Variants in DACH2 observed in about 807,000 individuals in gnomAD.
DACH2 encodes dachshund family transcription factor 2.
Under a neutral mutation model 35.8 loss-of-function variants are expected in DACH2, and 17 were observed. The observed-to-expected ratio is 0.48, with a 90% confidence interval of 0.33 to 0.71. The LOEUF is 0.71. Among genes scored for constraint, DACH2 ranks in the 30% least tolerant of loss-of-function variants. The pLI, the probability that DACH2 is intolerant of heterozygous loss-of-function variation, is 0.02. For missense variants in DACH2, 469 were observed against 472.7 expected (o/e 0.99, Z 0.07); for synonymous variants, 195 against 177.3 (o/e 1.10, Z -0.79).
At chrX:86,716,659 A>G (rs1238179485) in intron 6 of DACH2, among the ~76,000 whole-genome samples, 2 of 112,225 alleles carry the variant, frequency 1.8e-5, no homozygotes, top group East Asian at 5.6e-4. Flanking sequence ...GTTTTCATAA[A>G]TACCATATTT....
In DACH2 at chrX:86,216,884, C is replaced by T. The variant is rs772914896; in HGVS notation, c.488+67776C>T. ...CTGAGGCAGGTGGATCACTCAAGGC[C>T]AGGAGTTTGAGACCAGCCTGGCCAA... On this transcript the variant is annotated intron_variant, in intron 1 of 11. Transcript: ENST00000373125. Among the ~76,000 whole-genome samples, 8 of 111,075 alleles carry T rather than the reference C, an allele frequency of 7.2e-5. No homozygotes were observed. In the East Asian group the frequency reaches 2.3e-3, roughly 32 times the overall value.
At chrX:86,436,347 A>G (rs2037066966) in intron 2 of DACH2, among the ~76,000 whole-genome samples, 1 of 96,245 alleles carries the variant, frequency 1.0e-5, no homozygotes, top group Non-Finnish European at 2.0e-5. Flanking sequence ...ATTTTTTTCT[A>G]CCTAAGGTGG....
At chrX:86,475,615 C>G (rs886371309) in intron 2 of DACH2, among the ~76,000 whole-genome samples, 3 of 111,834 alleles carry the variant, frequency 2.7e-5, no homozygotes, top group African/African-American at 9.7e-5. Context: ...AATATAATGT[C>G]ATATCATCTA....
At chrX:86,687,337 A>G (rs1281724638) in intron 4 of DACH2, among the ~76,000 whole-genome samples, 6 of 111,681 alleles carry the variant, frequency 5.4e-5, no homozygotes, top group African/African-American at 1.6e-4. Context: ...CAAAACCACA[A>G]TGAGATACCA....
intron 6 of DACH2, among the ~76,000 whole-genome samples, chrX:86,736,249 G>A (rs1017829981): frequency 9.0e-6 from 1 of 111,162 alleles, no homozygotes; most frequent in African/African-American, 3.3e-5. Flanking sequence ...TGACTTCTGT[G>A]CTGCCTTAGA....
At chrX:86,402,431 T>C (rs750196043) in intron 2 of DACH2, among the ~76,000 whole-genome samples, 13 of 111,439 alleles carry the variant, frequency 1.2e-4, no homozygotes, top group Non-Finnish European at 2.1e-4. Flanking sequence ...CCATTTTCAG[T>C]AGTCACAAAG....
chrX:86,625,293 C>T (rs2040122736), intron 3 of DACH2, among the ~76,000 whole-genome samples: 1 of 106,229 alleles, frequency 9.4e-6, no homozygotes, highest in African/African-American at 3.4e-5. Flanking sequence ...TATTAATAAC[C>T]TGGCATAAAT....
intron 3 of DACH2, among the ~76,000 whole-genome samples, chrX:86,532,092 A>G (rs1410579972): frequency 8.9e-6 from 1 of 112,980 alleles, no homozygotes; most frequent in Non-Finnish European, 1.9e-5. Flanking sequence ...GGAACATTCA[A>G]GCCATGCCTG....
In DACH2 at chrX:86,472,832, A is replaced by C. The variant is rs780795589; in HGVS notation, c.528-41447A>C. Among the ~76,000 whole-genome samples, 66 of 112,160 alleles carry C rather than the reference A, an allele frequency of 5.9e-4. 1 individual carries two copies. Among genetic ancestry groups the C allele is most frequent in the Admixed American group, 2.7e-3 (28 of 10,564 alleles). ...CTCTGAATGCTGGAGCATTTGACAC[A>C]TTAAATATCGATAGATTAGCCTTAG... On this transcript the variant is annotated intron_variant, in intron 2 of 11. Coordinates refer to ENST00000373125, the MANE Select transcript of DACH2 (RefSeq NM_053281.3).
intron 3 of DACH2, among the ~76,000 whole-genome samples, chrX:86,610,405 CT>C (rs1205766587): frequency 4.0e-5 from 3 of 74,384 alleles, no homozygotes; most frequent in Non-Finnish European, 7.5e-5. Flanking sequence ...TTCTTTCTTT[CT>C]TTCTTTCTTT....
Position 86,491,205 on chromosome X carries a change from A to G in DACH2, c.528-23074A>G, listed in dbSNP as rs773093244. Reference sequence around the variant, plus strand: ...AATTCAGTCTGTCTGTCTTCTTACTACCTGCTGTACACAATGCTTTTACGC... The same window carrying G: ...AATTCAGTCTGTCTGTCTTCTTACTGCCTGCTGTACACAATGCTTTTACGC... On this transcript the variant is annotated intron_variant, in intron 2 of 11. Coordinates refer to ENST00000373125, the MANE Select transcript of DACH2 (RefSeq NM_053281.3). Among the ~76,000 whole-genome samples the G allele has an allele frequency of 8.9e-5, 10 of 111,995 alleles. No homozygotes were observed. The South Asian group carries it at 3.7e-3, about 41-fold the overall frequency.
chrX:86,532,401 G>T (rs1602616225), intron 3 of DACH2, among the ~76,000 whole-genome samples: 1 of 110,969 alleles, frequency 9.0e-6, no homozygotes, highest in Admixed American at 9.6e-5. Context: ...GAGATGATTG[G>T]ATCATGGGTA....
rs112267843 is a variant in DACH2, at chrX:86,666,312, T to TGTGTGAGAGA, written c.772+15146_772+15147insTGTGAGAGAG. 1.5e-3 allele frequency among the ~76,000 whole-genome samples: 152 copies of TGTGTGAGAGA among 99,950 alleles called. 5 individuals are homozygous for TGTGTGAGAGA. The East Asian group carries it at 0.038, about 25-fold the overall frequency. 86.8% of individuals were successfully genotyped at this position (99,950 alleles called of 115,157 possible). A position where few individuals can be genotyped will look rare whatever the true frequency, so the allele number is the denominator to read the frequency against. Reference sequence around the variant, plus strand: ...AGTGGGATGTGTGTGTGTGTGTGTGTGAGAGAGAGAGAGAGAGAGAATAAG... The same window carrying TGTGTGAGAGA: ...AGTGGGATGTGTGTGTGTGTGTGTGTGTGTGAGAGAGAGAGAGAGAGAGAGAGAGAATAAG... On this transcript the variant is annotated intron_variant, in intron 4 of 11. Transcript: ENST00000373125.
At chrX:86,237,752 T>G (rs1270015163) in intron 1 of DACH2, among the ~76,000 whole-genome samples, 1 of 111,055 alleles carries the variant, frequency 9.0e-6, no homozygotes, top group Non-Finnish European at 1.9e-5. Context: ...TGCGGTGGGG[T>G]GGGTAGCTCC....
At chrX:86,337,955 A>T (rs2035344687) in intron 1 of DACH2, among the ~76,000 whole-genome samples, 1 of 111,813 alleles carries the variant, frequency 8.9e-6, no homozygotes, top group African/African-American at 3.3e-5. Context: ...ACCAACAAAG[A>T]TCAAAAGAGA....
chrX:86,696,084 C>CAA (rs2041065265), intron 5 of DACH2, among the ~76,000 whole-genome samples: 1 of 111,845 alleles, frequency 8.9e-6, no homozygotes, highest in African/African-American at 3.2e-5. Context: ...CAAAGACTCA[C>CAA]AAGTCTTTCT....
chrX:86,410,525 T>C (rs2036593225), intron 2 of DACH2, among the ~76,000 whole-genome samples: 1 of 111,533 alleles, frequency 9.0e-6, no homozygotes, highest in Admixed American at 9.6e-5. Context: ...ATCTTTCCAC[T>C]CTGGGGGTAC....
intron 1 of DACH2, among the ~76,000 whole-genome samples, chrX:86,306,170 A>C (rs1052437430): frequency 8.9e-6 from 1 of 112,311 alleles, no homozygotes; most frequent in Non-Finnish European, 1.9e-5. Flanking sequence ...CACTATTTAT[A>C]TTAGCCAAGA....
chrX:86,479,280 G>A (rs909516343), intron 2 of DACH2, among the ~76,000 whole-genome samples: 1 of 110,856 alleles, frequency 9.0e-6, no homozygotes, highest in African/African-American at 3.3e-5. Context: ...GCGGGCCAGC[G>A]TGGTCTTGGA....
Sources: gnomAD v4.1 joint callset for allele counts (sites outside exome capture counted in the v4.1 genomes callset) on GRCh38, gnomAD v4.1.1 for gene constraint, MANE v1.5 for transcripts, NCBI Gene and HGNC (gene_info 2026-07-23, HGNC 2026-07-21) for gene names.